The following F7 variants were observed in gnomAD, a reference collection of about 807,000 sequenced individuals.
F7 encodes the protein coagulation factor VII, also known as FVII coagulation protein.
F7 carries 38 observed loss-of-function variants against 47.5 expected under a neutral mutation model. The observed-to-expected ratio is 0.80, with a 90% CI of 0.62 to 1.05. The LOEUF is 1.05. F7 is among the 50% of genes least tolerant of loss of function. The pLI is 0.00. For synonymous variants in F7, 244 were observed against 258.5 expected (o/e 0.94, Z 0.54); for missense variants, 575 against 605.4 (o/e 0.95, Z 0.53).
chr13:113,118,558 T>C lies in F7; in HGVS notation c.885T>C (p.His295=), dbSNP rs748333884. Residue 295 remains histidine, a synonymous_variant, in exon 8 of 8, where the codon CAT becomes CAC. Coordinates refer to ENST00000346342, the MANE Select transcript of F7 (RefSeq NM_019616.4). ...RLHQPVVLTD[H]VVPLCLPERT... is the part of the protein sequence containing the mutation. ...ACCAGCCCGTGGTCCTCACTGACCA[T>C]GTGGTGCCCCTCTGCCTGCCCGAAC... The C allele has an allele frequency of 1.7e-5, 27 of 1,612,474 alleles. No homozygotes were observed. Among genetic ancestry groups the C allele is most frequent in the Admixed American group, 1.0e-4 (6 of 60,002 alleles).
In F7 at chr13:113,113,642, C is replaced by T. The variant is rs2036143328; in HGVS notation, c.226-110C>T. Reference sequence around the variant, plus strand: ...AGTCTGGCTTCCTGAGCCCACCCCGCCAGACCCAGGTCCAAGTCCCCCAAC... The same window carrying T: ...AGTCTGGCTTCCTGAGCCCACCCCGTCAGACCCAGGTCCAAGTCCCCCAAC... On this transcript the variant is annotated intron_variant, in intron 2 of 7. Coordinates refer to ENST00000346342, the MANE Select transcript of F7 (RefSeq NM_019616.4). The surrounding 1 kb of genome is among the most constrained non-coding windows in gnomAD (Gnocchi z 4.1). 3 of 1,159,574 alleles carry T rather than the reference C, an allele frequency of 2.6e-6. No homozygotes were observed. Among genetic ancestry groups the T allele is most frequent in the African/African-American group, 3.0e-5 (2 of 66,364 alleles). 71.8% of individuals were successfully genotyped at this position (1,159,574 alleles called of 1,614,324 possible). A position where few individuals can be genotyped will look rare whatever the true frequency, so the allele number is the denominator to read the frequency against.
intron 1 of F7, 164 bp from the exon 2 acceptor site, chr13:113,110,526 G>A: frequency 2.3e-6 from 2 of 881,122 alleles, no homozygotes; most frequent in African/African-American, 3.5e-5. Flanking sequence ...GCTGACCCGG[G>A]AGCACGGCAG....
rs1329960191 is a variant in F7, at chr13:113,113,810, A to T, written c.250+34A>T. 28 of 1,613,934 alleles carry T rather than the reference A, an allele frequency of 1.7e-5. No individual in the cohort carries two copies. Among genetic ancestry groups the T allele is most frequent in the Non-Finnish European group, 2.0e-5 (24 of 1,179,984 alleles). ...ATGATCACCACCAGTCCTGCCTGCAACCCTTCTCAGCTTACTGACACCAGC... is the reference window on the plus strand; with the variant it reads ...ATGATCACCACCAGTCCTGCCTGCATCCCTTCTCAGCTTACTGACACCAGC... On this transcript the variant is annotated intron_variant, in intron 3 of 7. Coordinates refer to ENST00000346342, the MANE Select transcript of F7 (RefSeq NM_019616.4). The surrounding 1 kb of genome is among the most constrained non-coding windows in gnomAD (Gnocchi z 4.1).
At chr13:113,118,379 T>C in intron 7 of F7, 34 bp from the exon 8 acceptor site, 1 of 1,564,116 alleles carries the variant, frequency 6.4e-7, no homozygotes, top group East Asian at 2.3e-5. Context: ...TGGCAGGTGG[T>C]GGAAAGGGCC....
rs114142895 is a variant in F7 at position 113,107,176 on chromosome 13, T to C, written c.64+1271T>C. On this transcript the variant is annotated intron_variant, in intron 1 of 7. Transcript: ENST00000346342. Reference sequence around the variant, plus strand: ...AGGTTTTCCTCAGTTCTTGAGAGCTTTTCTGATGCAAATCTGCTTTCACCC... The same window carrying C: ...AGGTTTTCCTCAGTTCTTGAGAGCTCTTCTGATGCAAATCTGCTTTCACCC... 7.6e-4 allele frequency among the ~76,000 whole-genome samples: 115 copies of C among 152,212 alleles called. 1 individual carries two copies. The highest frequency in any genetic ancestry group is 2.7e-3 in the African/African-American group (110 of 41,498).
chr13:113,113,729 G>A lies in F7; in HGVS notation c.226-23G>A, dbSNP rs1488602258. ...GCTCTGGTGAAGGTGCATCTCACGAGGCTTGCTCTCTTGTTCCTTCAGAAG... is the reference window on the plus strand; with the variant it reads ...GCTCTGGTGAAGGTGCATCTCACGAAGCTTGCTCTCTTGTTCCTTCAGAAG... On this transcript the variant is annotated intron_variant, in intron 2 of 7. Coordinates refer to ENST00000346342, the MANE Select transcript of F7 (RefSeq NM_019616.4). This position sits in a 1 kb window ranked among gnomAD's most constrained non-coding sequence, Gnocchi z 4.1. 3.7e-6 allele frequency: 6 copies of A among 1,612,444 alleles called. No individual in the cohort carries two copies. The highest frequency in any genetic ancestry group is 2.2e-5 in the East Asian group (1 of 44,884).
At chr13:113,110,618 G>C (rs2142212007) in intron 1 of F7, 72 bp from the exon 2 acceptor site, 2 of 1,536,366 alleles carry the variant, frequency 1.3e-6, no homozygotes, top group East Asian at 4.9e-5. Flanking sequence ...CCCGCCGCGT[G>C]GGCCGTGGGG....
At chr13:113,110,559 C>T (rs928458681) in intron 1 of F7, 131 bp from the exon 2 acceptor site, 3 of 1,282,752 alleles carry the variant, frequency 2.3e-6, no homozygotes, top group Admixed American at 2.1e-5. Flanking sequence ...GCCAGGCCCG[C>T]GAGCAGCGCC....
chr13:113,109,543 A>G (rs1307250879), intron 1 of F7, among the ~76,000 whole-genome samples: 1 of 152,108 alleles, frequency 6.6e-6, no homozygotes, highest in African/African-American at 2.4e-5. Flanking sequence ...GCGCTCAGTA[A>G]CCAATTTAGG....
chr13:113,115,832 A>T (rs373795186), intron 5 of F7, 32 bp downstream of exon 5: 1 of 1,612,658 alleles, frequency 6.2e-7, no homozygotes, highest in African/African-American at 1.3e-5. Context: ...GTCCCAGATG[A>T]CACCAGTCCC....
rs143855920 is a variant in F7 at position 113,115,741 on chromosome 13, C to T, written c.446C>T (p.Ser149Phe). 199 of 1,613,188 alleles carry T rather than the reference C, an allele frequency of 1.2e-4. No individual in the cohort carries two copies. In the African/African-American group the frequency reaches 2.1e-3, roughly 17 times the overall value. The change falls in exon 5 of 8, where the codon TCC becomes TTC. Residue 149 changes from serine to phenylalanine, a missense_variant. Coordinates refer to ENST00000346342, the MANE Select transcript of F7 (RefSeq NM_019616.4). ...YCSDHTGTKR[S>F]CRCHEGYSLL... ...AGTGACCACACGGGCACCAAGCGCT[C>T]CTGTCGGTGCCACGAGGGGTACTCT...
chr13:113,110,569 C>T (rs1300587462), intron 1 of F7, 121 bp from the exon 2 acceptor site: 63 of 1,369,594 alleles, frequency 4.6e-5, no homozygotes, highest in Non-Finnish European at 6.1e-5. Context: ...CGAGCAGCGC[C>T]GCTCCCCTCC....
At chr13:113,116,046 G>C (rs3093244) in intron 5 of F7, among the ~76,000 whole-genome samples, 1 of 152,228 alleles carries the variant, frequency 6.6e-6, no homozygotes. Flanking sequence ...AGGCAGACCA[G>C]GGGAGCCAAG....
chr13:113,108,759 A>T (rs1302530554), intron 1 of F7, among the ~76,000 whole-genome samples: 10 of 39,864 alleles, frequency 2.5e-4, no homozygotes, highest in East Asian at 1.7e-3. Context: ...TCCAGAGGCG[A>T]GGGTGTCCCG....
At position 113,109,549 on chromosome 13, in the gene F7, T is replaced by C. The variant is rs528710078; in HGVS notation, c.65-1141T>C. Among the ~76,000 whole-genome samples, 11 of 152,236 alleles carry C rather than the reference T, an allele frequency of 7.2e-5. No individual in the cohort carries two copies. The South Asian group carries it at 2.3e-3, about 32-fold the overall frequency. ...CCTTCTTCCGCGCTCAGTAACCAAT[T>C]TAGGCCGCTCCTGCAGAACTCGGGC... On this transcript the variant is annotated intron_variant, in intron 1 of 7. Transcript: ENST00000346342.
In F7 at chr13:113,119,048, G is replaced by A. The variant is rs772445437; in HGVS notation, c.*40G>A. On this transcript the variant is annotated 3_prime_UTR_variant, in exon 8 of 8. Transcript: ENST00000346342. Reference sequence around the variant, plus strand: ...CCTGTGGAGAGAAAGCCAAGGCTGCGTCGAACTGTCCTGGCACCAAATCCC... The same window carrying A: ...CCTGTGGAGAGAAAGCCAAGGCTGCATCGAACTGTCCTGGCACCAAATCCC... 30 of 1,554,354 alleles carry A rather than the reference G, an allele frequency of 1.9e-5. No homozygotes were observed. Among genetic ancestry groups the A allele is most frequent in the Middle Eastern group, 1.7e-4 (1 of 5,820 alleles).
At chr13:113,117,908 C>T (rs550630111) in intron 7 of F7, among the ~76,000 whole-genome samples, 9 of 152,254 alleles carry the variant, frequency 5.9e-5, no homozygotes, top group Middle Eastern at 3.2e-3. Flanking sequence ...ATGCTGGGCA[C>T]GACTGCTGTG....
rs121964927 is a variant in F7, at chr13:113,118,716, G to T, written c.1043G>T (p.Cys348Phe). Residue 348 changes from cysteine to phenylalanine, a missense_variant, in exon 8 of 8, where the codon TGC (cysteine) becomes TTC (phenylalanine). Cys to Phe is a radical substitution (Grantham distance 205, BLOSUM62 -2). Coordinates refer to ENST00000346342, the MANE Select transcript of F7 (RefSeq NM_019616.4). The stretch of plus-strand genomic sequence containing the variant: ...GTGCCCCGGCTGATGACCCAGGACT[G>T]CCTGCAGCAGTCACGGAAGGTGGGA... ...LNVPRLMTQD[C>F]LQQSRKVGDS... 3.7e-5 allele frequency: 59 copies of T among 1,613,040 alleles called. No homozygotes were observed. The South Asian group carries it at 3.7e-4, about 10-fold the overall frequency.
intron 1 of F7, chr13:113,106,786 G>A (rs1472507790): frequency 2.0e-5 from 30 of 1,509,934 alleles, no homozygotes; most frequent in Non-Finnish European, 2.6e-5. Context: ...CCTGGGATGT[G>A]GGGCTGCAGC....
Sources: allele counts gnomAD v4.1 joint callset (sites outside exome capture counted in the v4.1 genomes callset), GRCh38; gene constraint gnomAD v4.1.1; non-coding constraint Gnocchi (gnomAD v3.1); transcripts MANE v1.5; gene names NCBI Gene and HGNC (gene_info 2026-07-23, HGNC 2026-07-21).